Variants in KCNT2 observed in about 807,000 individuals in gnomAD.
KCNT2 encodes potassium sodium-activated channel subfamily T member 2.
KCNT2 carries 67 observed loss-of-function variants against 153.8 expected under a neutral mutation model. The ratio of observed to expected loss-of-function variants is 0.44; its 90% CI spans 0.36 to 0.53. The LOEUF is 0.53. Ranked by LOEUF, KCNT2 falls within the 20% of genes least tolerant of loss-of-function variation. The pLI is 0.00. For synonymous variants in KCNT2, 500 were observed against 458.8 expected (o/e 1.09, Z -1.15); for missense variants, 975 against 1,354.8 (o/e 0.72, Z 4.40).
chr1:196,450,875 G>A (rs1355896448), intron 8 of KCNT2, among the ~76,000 whole-genome samples: 2 of 151,736 alleles, frequency 1.3e-5, no homozygotes, highest in Non-Finnish European at 2.9e-5. Context: ...CTCCTCCTCT[G>A]CCTAGCACAC....
chr1:196,490,548 C>CG (rs1247916470), intron 2 of KCNT2, among the ~76,000 whole-genome samples: 2 of 149,206 alleles, frequency 1.3e-5, no homozygotes, highest in African/African-American at 4.9e-5. Context: ...AACACACACA[C>CG]GATCAATCTC....
chr1:196,486,873 A>T (rs185518276), intron 3 of KCNT2, among the ~76,000 whole-genome samples: 45 of 152,036 alleles, frequency 3.0e-4, no homozygotes, highest in Admixed American at 3.0e-3. Context: ...TTTAATACAC[A>T]TCCAAAAACT....
rs138116258 is a variant in KCNT2, at chr1:196,323,274, A to C, written c.2276+3443T>G. ...AAGAAGATTGATTTAATGAATGGAT[A>C]GTGTGAAGAAGACCTTGATAAATAT... On this transcript the variant is annotated intron_variant, in intron 19 of 27. Transcript: ENST00000294725. Among the ~76,000 whole-genome samples, 69 of 152,108 alleles carry C rather than the reference A, an allele frequency of 4.5e-4. No homozygotes were observed. In the East Asian group the frequency reaches 0.011, roughly 25 times the overall value.
At chr1:196,480,184 A>G (rs1014836597) in intron 4 of KCNT2, among the ~76,000 whole-genome samples, 1 of 152,206 alleles carries the variant, frequency 6.6e-6, no homozygotes, top group Admixed American at 6.5e-5. Context: ...AAATAGAATC[A>G]AATAAGCAAA....
Position 196,469,023 on chromosome 1 carries a change from T to C in KCNT2, c.430A>G (p.Ile144Val). 6.2e-7 allele frequency: 1 copy of C among 1,603,060 alleles called. No homozygotes were observed. Among genetic ancestry groups the C allele is most frequent in the Non-Finnish European group, 8.5e-7 (1 of 1,172,766 alleles). Residue 144 changes from isoleucine to valine, a missense_variant, in exon 6 of 28, where the codon ATA becomes GTA. By Grantham distance (29) the Ile-to-Val change is conservative. This residue lies in a region of KCNT2 where 140 missense variants were observed against 216.0 expected (regional missense o/e 0.65). Coordinates refer to ENST00000294725, the MANE Select transcript of KCNT2 (RefSeq NM_198503.5). ...ATAATGAAGGGAACTGCATTAATTA[T>C]TTCCAAGATGAAGGGTATTCGTAAA... ...QILRIPFILE[I>V]INAVPFIISI...
intron 1 of KCNT2, among the ~76,000 whole-genome samples, chr1:196,528,835 C>G (rs895714119): frequency 2.0e-5 from 3 of 152,102 alleles, no homozygotes; most frequent in Non-Finnish European, 4.4e-5. Context: ...GAAACAGAAG[C>G]AGGCATTTTG....
At chr1:196,376,981 T>C (rs1669019966) in intron 13 of KCNT2, among the ~76,000 whole-genome samples, 1 of 151,792 alleles carries the variant, frequency 6.6e-6, no homozygotes, top group African/African-American at 2.4e-5. Flanking sequence ...GTAGGGACAA[T>C]GAATTGTAGG....
chr1:196,422,981 A>C, intron 12 of KCNT2, 69 bp downstream of exon 12: 2 of 1,049,548 alleles, frequency 1.9e-6, no homozygotes, highest in Non-Finnish European at 2.8e-6. Context: ...GAATTTTTAA[A>C]AACTCAAATT....
At chr1:196,376,998 A>G (rs566966856) in intron 13 of KCNT2, among the ~76,000 whole-genome samples, 1 of 151,890 alleles carries the variant, frequency 6.6e-6, no homozygotes, top group African/African-American at 2.4e-5. Context: ...TAGGTCTTGT[A>G]TGGTCAAAAG....
intron 14 of KCNT2, among the ~76,000 whole-genome samples, chr1:196,363,848 G>T (rs1449044092): frequency 1.3e-5 from 2 of 152,122 alleles, no homozygotes; most frequent in Non-Finnish European, 1.5e-5. Flanking sequence ...AGATGTCATT[G>T]CCTCTGTTCT....
intron 14 of KCNT2, among the ~76,000 whole-genome samples, chr1:196,369,829 G>T (rs1477924316): frequency 6.6e-6 from 1 of 151,968 alleles, no homozygotes; most frequent in Non-Finnish European, 1.5e-5. Context: ...ATAGTCCTTT[G>T]GGTATATACC....
intron 25 of KCNT2, among the ~76,000 whole-genome samples, chr1:196,262,838 A>G (rs1210274781): frequency 6.6e-6 from 1 of 152,092 alleles, no homozygotes; most frequent in Non-Finnish European, 1.5e-5. Flanking sequence ...TCAAATAAAT[A>G]AGCTGTGTTT....
At chr1:196,558,245 T>A (rs913018613) in intron 1 of KCNT2, among the ~76,000 whole-genome samples, 4 of 151,448 alleles carry the variant, frequency 2.6e-5, no homozygotes, top group African/African-American at 9.7e-5. Flanking sequence ...AAATGTCACA[T>A]GAAAATATGC....
intron 6 of KCNT2, 137 bp downstream of exon 6, chr1:196,468,857 T>C (rs2148668444): frequency 3.3e-6 from 2 of 602,504 alleles, no homozygotes; most frequent in South Asian, 2.2e-5. Context: ...TTTTATCTTG[T>C]TGCTTAGTAT....
chr1:196,511,118 C>CA (rs1681586218), intron 1 of KCNT2, among the ~76,000 whole-genome samples: 1 of 13,470 alleles, frequency 7.4e-5, no homozygotes, highest in Admixed American at 1.5e-3. Context: ...ACACACACAA[C>CA]ACACACACAC....
chr1:196,573,741 G>A (rs77743611), intron 1 of KCNT2, among the ~76,000 whole-genome samples: 8,767 of 152,064 alleles, frequency 0.058, 390 homozygotes, highest in Non-Finnish European at 0.085. Context: ...TGGCTGAAAT[G>A]TTCATGAGAT....
chr1:196,351,258 G>C (rs530788963), intron 14 of KCNT2, among the ~76,000 whole-genome samples: 1 of 152,124 alleles, frequency 6.6e-6, no homozygotes, highest in Non-Finnish European at 1.5e-5. Flanking sequence ...TTGGTAGCTT[G>C]ATGGGGATGG....
At chr1:196,364,990 T>C (rs1212344719) in intron 14 of KCNT2, among the ~76,000 whole-genome samples, 1 of 152,076 alleles carries the variant, frequency 6.6e-6, no homozygotes, top group Non-Finnish European at 1.5e-5. Flanking sequence ...ATTTATAAAA[T>C]ATAGCATTGG....
chr1:196,342,631 G>A, intron 14 of KCNT2, among the ~76,000 whole-genome samples: 1 of 151,134 alleles, frequency 6.6e-6, no homozygotes, highest in East Asian at 1.9e-4. Flanking sequence ...CCATAATATG[G>A]CCAACGTTAT....
Sources: gnomAD v4.1 joint callset for allele counts (sites outside exome capture counted in the v4.1 genomes callset) on GRCh38, gnomAD v4.1.1 for gene constraint, gnomAD v4.1.1 regional missense constraint, MANE v1.5 for transcripts, NCBI Gene and HGNC (gene_info 2026-07-23, HGNC 2026-07-21) for gene names.